Variants in CPLX4 observed in about 807,000 individuals in gnomAD.
The protein encoded by CPLX4 is complexin 4.
Under a neutral mutation model 16.1 loss-of-function variants are expected in CPLX4, and 17 were observed. The ratio of observed to expected loss-of-function variants is 1.06; its 90% CI spans 0.72 to 1.59. The LOEUF is 1.59. Among genes scored for constraint, CPLX4 ranks in the 40% most tolerant of loss-of-function variants. The pLI is 0.00. For synonymous variants in CPLX4, 55 were observed against 57.8 expected (o/e 0.95, Z 0.22); for missense variants, 193 against 192.9 (o/e 1.00, Z 0.00).
intron 1 of CPLX4, among the ~76,000 whole-genome samples, chr18:59,317,200 CT>C (rs1214564777): frequency 2.6e-5 from 4 of 152,066 alleles, no homozygotes; most frequent in African/African-American, 9.7e-5. Context: ...GGTCATTAAC[CT>C]TTTCACCTAT....
intron 2 of CPLX4, among the ~76,000 whole-genome samples, chr18:59,298,750 C>T (rs571360385): frequency 6.6e-6 from 1 of 152,256 alleles, no homozygotes; most frequent in Admixed American, 6.5e-5. Context: ...CATTCTTCAT[C>T]TGGAAAGTGG....
chr18:59,312,589 T>C (rs1353276963), intron 2 of CPLX4, 96 bp downstream of exon 2: 29 of 371,920 alleles, frequency 7.8e-5, no homozygotes, highest in South Asian at 1.4e-4. Context: ...TATATATATA[T>C]TCATATTCAG....
At chr18:59,313,859 T>G (rs1035264641) in intron 1 of CPLX4, among the ~76,000 whole-genome samples, 10 of 151,112 alleles carry the variant, frequency 6.6e-5, no homozygotes, top group Non-Finnish European at 1.2e-4. Flanking sequence ...CTTTCTGGTT[T>G]AGGCCCACGT....
At chr18:59,309,822 CAAAA>C (rs369580193) in intron 2 of CPLX4, among the ~76,000 whole-genome samples, 52 of 87,008 alleles carry the variant, frequency 6.0e-4, no homozygotes, top group African/African-American at 2.0e-3. Context: ...GACTCTGTGT[CAAAA>C]AAAAAAAAAA....
intron 2 of CPLX4, among the ~76,000 whole-genome samples, chr18:59,312,352 G>C (rs541734054): frequency 6.6e-6 from 1 of 150,932 alleles, no homozygotes; most frequent in African/African-American, 2.4e-5. Context: ...CTAGTTCAGT[G>C]CTCTTTTCAC....
intron 2 of CPLX4, among the ~76,000 whole-genome samples, chr18:59,305,244 G>A (rs1035536851): frequency 6.6e-6 from 1 of 152,106 alleles, no homozygotes; most frequent in African/African-American, 2.4e-5. Flanking sequence ...GCAGGAGGAA[G>A]TGCTAGTCCA....
intron 2 of CPLX4, among the ~76,000 whole-genome samples, chr18:59,301,256 G>T (rs1292651767): frequency 6.6e-6 from 1 of 152,264 alleles, no homozygotes; most frequent in Non-Finnish European, 1.5e-5. Context: ...CTCTGCCTGG[G>T]CTAGGCCCTT....
At chr18:59,311,327 G>T (rs996906377) in intron 2 of CPLX4, among the ~76,000 whole-genome samples, 2 of 152,172 alleles carry the variant, frequency 1.3e-5, no homozygotes, top group Non-Finnish European at 2.9e-5. Context: ...ACATTTTATT[G>T]TGGGTTTTCC....
chr18:59,308,941 G>A (rs964838338), intron 2 of CPLX4, among the ~76,000 whole-genome samples: 2 of 152,248 alleles, frequency 1.3e-5, no homozygotes, highest in African/African-American at 4.8e-5. Flanking sequence ...CAAGGGTGGG[G>A]CTGGTTTGCA....
Position 59,296,560 on chromosome 18 carries a change from A to T in CPLX4, c.*138T>A. Reference sequence around the variant, plus strand: ...CTGCCAGGAATATTTAGAACAACCAAATTATTGTCTGTCAATGGATCATCG... The same window carrying T: ...CTGCCAGGAATATTTAGAACAACCATATTATTGTCTGTCAATGGATCATCG... On this transcript the variant is annotated 3_prime_UTR_variant, in exon 3 of 3. Coordinates refer to ENST00000299721, the MANE Select transcript of CPLX4 (RefSeq NM_181654.4). 1 of 905,072 alleles carries T rather than the reference A, an allele frequency of 1.1e-6. No homozygotes were observed. Among genetic ancestry groups the T allele is most frequent in the South Asian group, 1.6e-5 (1 of 63,946 alleles). The allele number at this position is 905,072 out of a possible 1,614,324, so 56.1% of individuals were successfully genotyped here. A position where few individuals can be genotyped will look rare whatever the true frequency, so the allele number is the denominator to read the frequency against.
chr18:59,301,622 C>T (rs2070542171), intron 2 of CPLX4, among the ~76,000 whole-genome samples: 1 of 152,232 alleles, frequency 6.6e-6, no homozygotes, highest in African/African-American at 2.4e-5. Context: ...AAATGTGGGC[C>T]TGTAGCCTCA....
chr18:59,314,139 G>A (rs559372962), intron 1 of CPLX4, among the ~76,000 whole-genome samples: 1 of 152,146 alleles, frequency 6.6e-6, no homozygotes, highest in Non-Finnish European at 1.5e-5. Context: ...GGTCTGGAAC[G>A]GGCATGAGAG....
chr18:59,314,460 C>G (rs1033370599), intron 1 of CPLX4, among the ~76,000 whole-genome samples: 2 of 152,102 alleles, frequency 1.3e-5, no homozygotes, highest in African/African-American at 4.8e-5. Context: ...ATATGCATGT[C>G]ATTAACTAGC....
chr18:59,316,300 T>C (rs1006962494), intron 1 of CPLX4, among the ~76,000 whole-genome samples: 2 of 152,068 alleles, frequency 1.3e-5, no homozygotes, highest in African/African-American at 2.4e-5. Context: ...AAAATAAAAA[T>C]GAATGTGCAT....
chr18:59,301,297 G>A (rs181059289), intron 2 of CPLX4, among the ~76,000 whole-genome samples: 1 of 152,398 alleles, frequency 6.6e-6, no homozygotes, highest in East Asian at 1.9e-4. Context: ...CCGTGTGAAA[G>A]AGTGTGGCTA....
chr18:59,312,737 G>T lies in CPLX4; in HGVS notation c.203C>A (p.Ala68Glu). The T allele has an allele frequency of 1.4e-6, 2 of 1,471,800 alleles. No homozygotes were observed. The highest frequency in any genetic ancestry group is 1.9e-6 in the Non-Finnish European group (2 of 1,050,924). The allele number at this position is 1,471,800 out of a possible 1,614,324, so 91.2% of individuals were successfully genotyped here. The change falls in exon 2 of 3, where the codon GCA becomes GAA. Residue 68 changes from alanine to glutamate, a missense_variant. Ala to Glu is a moderately radical substitution (Grantham distance 107). Coordinates refer to ENST00000299721, the MANE Select transcript of CPLX4 (RefSeq NM_181654.4). ...ERDAAFTQKK[A>E]ERACLRVHLR... ...ATGAACTCTGAGGCATGCCCTTTCT[G>T]CCTTTTTCTGTGTAAATGCAGCATC...
At chr18:59,307,931 G>A (rs2070588463) in intron 2 of CPLX4, among the ~76,000 whole-genome samples, 2 of 139,356 alleles carry the variant, frequency 1.4e-5, no homozygotes, top group Admixed American at 7.1e-5. Flanking sequence ...TTTTTTGCCC[G>A]GCTAATTTTT....
At chr18:59,299,614 T>G (rs2070526202) in intron 2 of CPLX4, among the ~76,000 whole-genome samples, 1 of 152,158 alleles carries the variant, frequency 6.6e-6, no homozygotes. Context: ...TGAAGAAGCT[T>G]TGGGATGGTT....
intron 1 of CPLX4, 21 bp from the exon 2 acceptor site, chr18:59,312,793 G>C: frequency 9.9e-7 from 1 of 1,005,994 alleles, no homozygotes; most frequent in Non-Finnish European, 1.6e-6. Flanking sequence ...AAGAATAAAG[G>C]ATCAGAAGGA....
Sources: allele counts gnomAD v4.1 joint callset (sites outside exome capture counted in the v4.1 genomes callset), GRCh38; gene constraint gnomAD v4.1.1; transcripts MANE v1.5; gene names NCBI Gene and HGNC (gene_info 2026-07-23, HGNC 2026-07-21).